SAFB2: variants seen among roughly 807,000 people sequenced by gnomAD.
The protein encoded by SAFB2 is scaffold attachment factor B2.
SAFB2 carries 32 observed loss-of-function variants against 100.6 expected under a neutral mutation model. The observed-to-expected ratio is 0.32, with a 90% confidence interval of 0.24 to 0.43. SAFB2 has a LOEUF of 0.43. Ranked by LOEUF, SAFB2 falls within the 20% of genes least tolerant of loss-of-function variation. The pLI is 1.00. For synonymous variants in SAFB2, 500 were observed against 439.4 expected, an observed-to-expected ratio of 1.14 and a Z score of -1.72; for missense variants, 1,185 against 1,163.4, an observed-to-expected ratio of 1.02 and a Z score of -0.27.
Position 5,587,755 on chromosome 19 carries a change from C to G in SAFB2, c.2651G>C (p.Gly884Ala), listed in dbSNP as rs773056158. 2.6e-6 allele frequency: 4 copies of G among 1,552,326 alleles called. No individual in the cohort carries two copies. The highest frequency in any genetic ancestry group is 3.5e-6 in the Non-Finnish European group (4 of 1,147,568). Reference sequence around the variant, plus strand: ...CCCCGGCCCCGAGGGCCCAGACAGGCCCCTCTCGCCACCTAGAAGAGAAGA... The same window carrying G: ...CCCCGGCCCCGAGGGCCCAGACAGGGCCCTCTCGCCACCTAGAAGAGAAGA... ...EHARWQGGER[G>A]LSGPSGPGHM... The change falls in exon 20 of 21, where the codon GGC becomes GCC. Residue 884 changes from glycine (G) to alanine (A), a missense_variant. Physicochemically the swap from Gly to Ala is moderately conservative, Grantham distance 60 (BLOSUM62 0). Around this residue, in one of 3 missense-constraint regions of SAFB2, gnomAD observed 740 missense variants for 687.1 expected, o/e 1.08. Transcript: ENST00000252542. This position sits in a 1 kb window ranked among gnomAD's most constrained non-coding sequence, Gnocchi z 4.9.
At chr19:5,619,481 C>T (rs922540426) in intron 2 of SAFB2, among the ~76,000 whole-genome samples, 4 of 152,218 alleles carry the variant, frequency 2.6e-5, no homozygotes, top group Non-Finnish European at 5.9e-5. Flanking sequence ...TCTAGACATT[C>T]AGGCAGGTCT....
intron 13 of SAFB2, among the ~76,000 whole-genome samples, chr19:5,596,364 G>A (rs776133258): frequency 2.0e-5 from 3 of 152,134 alleles, no homozygotes; most frequent in Non-Finnish European, 4.4e-5. Context: ...TTTTTTGTAG[G>A]TTTTTTGGGT....
chr19:5,594,098 C>T lies in SAFB2; in HGVS notation c.2000G>A (p.Arg667His), dbSNP rs770357134. The T allele has an allele frequency of 1.9e-6, 3 of 1,599,964 alleles. No homozygotes were observed. Among genetic ancestry groups the T allele is most frequent in the East Asian group, 2.2e-5 (1 of 44,684 alleles). Residue 667 changes from arginine to histidine, a missense_variant, in exon 15 of 21, where the codon CGC (arginine) becomes CAC (histidine). Arg to His is a conservative substitution (Grantham distance 29). Transcript: ENST00000252542. The part of the protein sequence containing the change: ...RKEKARLQRE[R>H]LQLECQRQRL... ...CTGGCGCTGGCACTCGAGCTGCAGG[C>T]GTTCCCGCTGTAGCCGGGCCTTCTC...
Position 5,622,514 on chromosome 19 carries a change from C to T in SAFB2, c.186+16G>A, listed in dbSNP as rs371998526. The T allele has an allele frequency of 4.4e-6, 7 of 1,586,862 alleles. No homozygotes were observed. Among genetic ancestry groups the T allele is most frequent in the Non-Finnish European group, 6.0e-6 (7 of 1,167,592 alleles). On this transcript the variant is annotated intron_variant, in intron 1 of 20. Coordinates refer to ENST00000252542, the MANE Select transcript of SAFB2 (RefSeq NM_014649.3). ...CCGGGCCTCCTGCGCCACCCCCGAG[C>T]CCCGCGCCGCCTCACCTTCTTGAGC...
intron 2 of SAFB2, among the ~76,000 whole-genome samples, chr19:5,616,927 G>A (rs1473767542): frequency 6.6e-6 from 1 of 152,172 alleles, no homozygotes; most frequent in Admixed American, 6.5e-5. Flanking sequence ...TGGGATTACA[G>A]GCATGAGCCA....
intron 11 of SAFB2, among the ~76,000 whole-genome samples, chr19:5,601,405 G>T (rs2052654024): frequency 6.6e-6 from 1 of 152,080 alleles, no homozygotes; most frequent in African/African-American, 2.4e-5. Flanking sequence ...TCACCTCATG[G>T]TATGCTTTAA....
At chr19:5,588,840 G>A (rs1345777234) in intron 18 of SAFB2, 1 of 152,278 alleles carries the variant, frequency 6.6e-6, no homozygotes, top group Non-Finnish European at 1.5e-5. Context: ...CTGCACACGT[G>A]AAACGGGAAG....
At chr19:5,604,733 G>A in intron 10 of SAFB2, 38 bp from the exon 11 acceptor site, 1 of 1,613,924 alleles carries the variant, frequency 6.2e-7, no homozygotes, top group Non-Finnish European at 8.5e-7. Flanking sequence ...GTGGCCCAGA[G>A]CTTCTCACTT....
chr19:5,587,950 C>A lies in SAFB2; in HGVS notation c.2556G>T (p.Gln852His). ...RGGRDWGEHNQRLEEHQARAW... is the reference protein window; with the variant it reads ...RGGRDWGEHNHRLEEHQARAW... ...CGCGTGCCTGGTGCTCCTCTAGCCG[C>A]TGGTTGTGCTCTCCCCAGTCACGGC... The change falls in exon 19 of 21, where the codon CAG (glutamine) becomes CAT (histidine). Residue 852 changes from glutamine (Q) to histidine (H), a missense_variant. This residue lies in a region of SAFB2 where 740 missense variants were observed against 687.1 expected (regional missense o/e 1.08). Coordinates refer to ENST00000252542, the MANE Select transcript of SAFB2 (RefSeq NM_014649.3). The surrounding 1 kb of genome is among the most constrained non-coding windows in gnomAD (Gnocchi z 4.9). The A allele has an allele frequency of 6.2e-7, 1 of 1,613,010 alleles. No individual in the cohort carries two copies.
chr19:5,605,192 C>T (rs1293298212), intron 9 of SAFB2, among the ~76,000 whole-genome samples: 6 of 151,848 alleles, frequency 4.0e-5, no homozygotes, highest in Non-Finnish European at 8.8e-5. Context: ...GCGACCTCCG[C>T]CTCCTGGGTT....
intron 13 of SAFB2, chr19:5,598,447 G>A (rs806703): frequency 1 from 276,797 of 278,118 alleles, 137,744 homozygotes; most frequent in East Asian, 1. Flanking sequence ...GAAGAAAGTA[G>A]CCTGCTATTA....
intron 2 of SAFB2, among the ~76,000 whole-genome samples, chr19:5,619,533 A>C (rs1200443624): frequency 6.6e-6 from 1 of 152,220 alleles, no homozygotes; most frequent in African/African-American, 2.4e-5. Flanking sequence ...AATGATGCAA[A>C]GATCATTAGA....
chr19:5,612,668 T>C, intron 5 of SAFB2, 101 bp from the exon 6 acceptor site: 1 of 897,096 alleles, frequency 1.1e-6, no homozygotes, highest in Non-Finnish European at 1.8e-6. Flanking sequence ...AATAAATGCC[T>C]GTTTCCACAA....
intron 16 of SAFB2, 28 bp from the exon 17 acceptor site, chr19:5,591,821 C>T (rs1351556472): frequency 6.2e-7 from 1 of 1,613,204 alleles, no homozygotes. Flanking sequence ...CCCGTTCAAA[C>T]AGCACCAGGC....
At chr19:5,613,947 A>G (rs756027803) in intron 4 of SAFB2, among the ~76,000 whole-genome samples, 27 of 152,176 alleles carry the variant, frequency 1.8e-4, no homozygotes, top group Non-Finnish European at 3.5e-4. Context: ...TACTTTATTC[A>G]TTCATTCATT....
At chr19:5,609,958 A>T (rs2052871506) in intron 9 of SAFB2, 37 bp downstream of exon 9, 1 of 1,564,526 alleles carries the variant, frequency 6.4e-7, no homozygotes, top group African/African-American at 1.4e-5. Context: ...TTTAACTCTG[A>T]ATCACAGTGG....
intron 2 of SAFB2, 93 bp from the exon 3 acceptor site, chr19:5,616,579 C>T: frequency 2.0e-6 from 2 of 996,902 alleles, no homozygotes; most frequent in Non-Finnish European, 1.6e-6. Flanking sequence ...GAACAGAACA[C>T]ATTACAAGAT....
intron 4 of SAFB2, 162 bp from the exon 5 acceptor site, chr19:5,613,689 G>C (rs559887635): frequency 1.0e-6 from 1 of 985,386 alleles, no homozygotes; most frequent in Non-Finnish European, 1.2e-6. Context: ...CTCTCCGCCA[G>C]AACACACACT....
chr19:5,594,968 C>T (rs990515995), intron 14 of SAFB2, among the ~76,000 whole-genome samples: 2 of 152,186 alleles, frequency 1.3e-5, no homozygotes, highest in African/African-American at 4.8e-5. Flanking sequence ...CCCACCTCAA[C>T]CTCCTGAGTA....
Sources: gnomAD v4.1 joint callset for allele counts (sites outside exome capture counted in the v4.1 genomes callset) on GRCh38, gnomAD v4.1.1 for gene constraint, gnomAD v4.1.1 regional missense constraint, Gnocchi (gnomAD v3.1) non-coding constraint, MANE v1.5 for transcripts, NCBI Gene and HGNC (gene_info 2026-07-23, HGNC 2026-07-21) for gene names.